The following CPED1 variants were observed in gnomAD, a reference collection of about 807,000 sequenced individuals.
CPED1 encodes the protein cadherin like and PC-esterase domain containing 1.
CPED1 carries 114 observed loss-of-function variants against 128.2 expected under a neutral mutation model. The observed-to-expected ratio is 0.89, with a 90% confidence interval of 0.76 to 1.04. The LOEUF (loss-of-function observed/expected upper bound fraction) is 1.04. Ranked by LOEUF, CPED1 falls within the 50% of genes least tolerant of loss-of-function variation. The pLI is 0.00. For missense variants in CPED1, 1,211 were observed against 1,207.1 expected, an observed-to-expected ratio of 1.00 and a Z score of -0.05; for synonymous variants, 462 against 426.7, an observed-to-expected ratio of 1.08 and a Z score of -1.02.
chr7:121,184,748 T>C (rs1313425715), intron 16 of CPED1, among the ~76,000 whole-genome samples: 1 of 152,188 alleles, frequency 6.6e-6, no homozygotes, highest in African/African-American at 2.4e-5. Flanking sequence ...GTGTGCTTAG[T>C]TCTCACTGAT....
At chr7:121,020,898 G>T (rs1792422739) in intron 3 of CPED1, among the ~76,000 whole-genome samples, 1 of 151,842 alleles carries the variant, frequency 6.6e-6, no homozygotes, top group Admixed American at 6.6e-5. Context: ...TATGCAATGG[G>T]TCAAAAGCCA....
chr7:121,085,783 G>A (rs1000488634), intron 5 of CPED1, among the ~76,000 whole-genome samples: 2 of 152,128 alleles, frequency 1.3e-5, no homozygotes, highest in East Asian at 1.9e-4. Flanking sequence ...TCTCATTGAC[G>A]ATAGGGTTTA....
At chr7:121,256,164 A>T (rs901110412) in intron 18 of CPED1, among the ~76,000 whole-genome samples, 4 of 150,968 alleles carry the variant, frequency 2.6e-5, no homozygotes, top group African/African-American at 9.7e-5. Flanking sequence ...CAAAGACATA[A>T]CTACCCAACT....
In CPED1 at chr7:121,240,279, C is replaced by T. The variant is rs146833491; in HGVS notation, c.2173+3448C>T. Reference sequence around the variant, plus strand: ...TTGGCAGCAAGTGGCCAAAGTGGGCCTCAGTTTTTACAAAATTAGCTGTCA... The same window carrying T: ...TTGGCAGCAAGTGGCCAAAGTGGGCTTCAGTTTTTACAAAATTAGCTGTCA... On this transcript the variant is annotated intron_variant, in intron 17 of 22. Coordinates refer to ENST00000310396, the MANE Select transcript of CPED1 (RefSeq NM_024913.5). Among the ~76,000 whole-genome samples the T allele has an allele frequency of 3.3e-3, 498 of 152,216 alleles. 3 individuals are homozygous for T. Among genetic ancestry groups the T allele is most frequent in the Middle Eastern group, 0.02 (6 of 294 alleles).
At chr7:121,144,000 A>G (rs1795964681) in intron 16 of CPED1, among the ~76,000 whole-genome samples, 1 of 152,032 alleles carries the variant, frequency 6.6e-6, no homozygotes, top group Non-Finnish European at 1.5e-5. Flanking sequence ...ACAATCTTCA[A>G]AACCTTACAT....
At chr7:121,085,721 C>T (rs1794407350) in intron 5 of CPED1, among the ~76,000 whole-genome samples, 1 of 152,166 alleles carries the variant, frequency 6.6e-6, no homozygotes, top group African/African-American at 2.4e-5. Flanking sequence ...ATTAGTTTCA[C>T]ACTAAAACTG....
intron 16 of CPED1, among the ~76,000 whole-genome samples, chr7:121,148,511 T>C (rs1449704403): frequency 1.3e-5 from 2 of 152,214 alleles, no homozygotes; most frequent in African/African-American, 4.8e-5. Context: ...TTGTCAACCC[T>C]TTCTATGAAA....
chr7:121,187,473 T>A (rs1412866226), intron 16 of CPED1, among the ~76,000 whole-genome samples: 1 of 152,098 alleles, frequency 6.6e-6, no homozygotes, highest in Non-Finnish European at 1.5e-5. Context: ...ATGAAGAGGA[T>A]GGACAGGTAG....
chr7:121,096,214 TATC>T (rs1217403580), intron 5 of CPED1, among the ~76,000 whole-genome samples: 5 of 152,146 alleles, frequency 3.3e-5, no homozygotes, highest in African/African-American at 1.2e-4. Context: ...ACAAGTAAGT[TATC>T]ATTTTTGGAG....
chr7:121,098,544 C>A (rs1196113932), intron 6 of CPED1, among the ~76,000 whole-genome samples: 1 of 151,324 alleles, frequency 6.6e-6, no homozygotes, highest in Non-Finnish European at 1.5e-5. Flanking sequence ...CCAGCCTGAG[C>A]AACATAGTGA....
At chr7:121,285,903 A>T (rs1327539999) in intron 22 of CPED1, among the ~76,000 whole-genome samples, 1 of 152,146 alleles carries the variant, frequency 6.6e-6, no homozygotes, top group Admixed American at 6.5e-5. Flanking sequence ...CATTTTGGAT[A>T]TCTTTACAGC....
intron 16 of CPED1, among the ~76,000 whole-genome samples, chr7:121,145,919 T>C (rs1236945507): frequency 3.9e-5 from 6 of 152,044 alleles, no homozygotes; most frequent in Admixed American, 3.3e-4. Flanking sequence ...CAGGCAAATC[T>C]AAAGGAAAAT....
intron 16 of CPED1, among the ~76,000 whole-genome samples, chr7:121,222,679 C>T (rs1197095835): frequency 1.3e-5 from 2 of 151,880 alleles, no homozygotes; most frequent in African/African-American, 2.4e-5. Context: ...CACATCCCTC[C>T]TAAGTTGGAT....
chr7:121,183,117 C>T lies in CPED1; in HGVS notation c.2055+40976C>T, dbSNP rs1345665150. 2.0e-5 allele frequency among the ~76,000 whole-genome samples: 3 copies of T among 152,044 alleles called. No homozygotes were observed. The East Asian group carries it at 5.8e-4, about 29-fold the overall frequency. On this transcript the variant is annotated intron_variant, in intron 16 of 22. Coordinates refer to ENST00000310396, the MANE Select transcript of CPED1 (RefSeq NM_024913.5). ...AATTATGTGCTGTAGAACCTACAAG[C>T]TTTCCCCAAGTGCTGAGTGCTTATC...
At chr7:121,082,007 T>C (rs910952383) in intron 5 of CPED1, among the ~76,000 whole-genome samples, 2 of 152,166 alleles carry the variant, frequency 1.3e-5, no homozygotes, top group African/African-American at 4.8e-5. Flanking sequence ...TATGTATGTA[T>C]GTTTTGATAT....
intron 16 of CPED1, among the ~76,000 whole-genome samples, chr7:121,148,184 T>C (rs1438666462): frequency 6.6e-6 from 1 of 152,202 alleles, no homozygotes; most frequent in Non-Finnish European, 1.5e-5. Flanking sequence ...ATTTAATTTT[T>C]CAACAATACA....
intron 7 of CPED1, 26 bp from the exon 8 acceptor site, chr7:121,124,305 A>C (rs1351085198): frequency 6.3e-7 from 1 of 1,579,364 alleles, no homozygotes; most frequent in Non-Finnish European, 8.6e-7. Context: ...TTGTTTTAAC[A>C]CGTGAATCCT....
intron 8 of CPED1, 147 bp from the exon 9 acceptor site, chr7:121,125,673 G>C (rs1795485247): frequency 1.6e-6 from 1 of 631,726 alleles, no homozygotes; most frequent in African/African-American, 1.8e-5. Flanking sequence ...AGTATTCCAT[G>C]GTGTGTATGT....
chr7:121,262,288 A>G (rs538234300), intron 18 of CPED1, among the ~76,000 whole-genome samples: 1 of 152,176 alleles, frequency 6.6e-6, no homozygotes, highest in East Asian at 1.9e-4. Flanking sequence ...TTTTATCTTC[A>G]TAAATTACCC....
Sources: gnomAD v4.1 joint callset for allele counts (sites outside exome capture counted in the v4.1 genomes callset) on GRCh38, gnomAD v4.1.1 for gene constraint, MANE v1.5 for transcripts, NCBI Gene and HGNC (gene_info 2026-07-23, HGNC 2026-07-21) for gene names.